CACNA1E: variants seen among roughly 807,000 people sequenced by gnomAD.
CACNA1E encodes voltage-dependent R-type calcium channel subunit alpha-1E.
Under a neutral mutation model 259.2 loss-of-function variants are expected in CACNA1E, and 40 were observed. That is an observed-to-expected ratio of 0.15 (90% CI 0.12 to 0.20). The LOEUF (loss-of-function observed/expected upper bound fraction) is 0.20. CACNA1E is among the 10% of genes least tolerant of loss of function. The pLI, the probability that CACNA1E is intolerant of heterozygous loss-of-function variation, is 1.00. For synonymous variants in CACNA1E, 1,104 were observed against 1,138.5 expected (o/e 0.97, Z 0.61); for missense variants, 1,874 against 3,040.1 (o/e 0.62, Z 9.02).
chr1:181,424,620 T>TGC (rs1659020770), intron 2 of CACNA1E, among the ~76,000 whole-genome samples: 1 of 152,232 alleles, frequency 6.6e-6, no homozygotes, highest in African/African-American at 2.4e-5. Context: ...AGAGAACGAA[T>TGC]GCATAACCTC....
intron 1 of CACNA1E, among the ~76,000 whole-genome samples, chr1:181,405,148 C>A (rs540400329): frequency 6.6e-6 from 1 of 152,222 alleles, no homozygotes; most frequent in Non-Finnish European, 1.5e-5. Context: ...GCAGTACCAA[C>A]GTACTCCCTT....
At chr1:181,388,892 C>A (rs605340) in intron 1 of CACNA1E, among the ~76,000 whole-genome samples, 70,395 of 139,616 alleles carry the variant, frequency 0.5, 16,670 homozygotes, top group African/African-American at 0.64. Context: ...ACTCCATCTC[C>A]AAAAAAAAAA....
intron 38 of CACNA1E, 146 bp from the exon 39 acceptor site, chr1:181,781,281 T>C (rs1660403134): frequency 3.3e-6 from 2 of 611,928 alleles, no homozygotes; most frequent in Non-Finnish European, 5.9e-6. Context: ...TCCTGTTTTC[T>C]GTATTTTGTT....
At chr1:181,747,516 T>C (rs1203094835) in intron 25 of CACNA1E, among the ~76,000 whole-genome samples, 1 of 150,346 alleles carries the variant, frequency 6.7e-6, no homozygotes, top group Non-Finnish European at 1.5e-5. Context: ...AAATAAATGG[T>C]AAAATGTGTG....
At chr1:181,576,496 C>T (rs1650991203) in intron 3 of CACNA1E, among the ~76,000 whole-genome samples, 1 of 152,236 alleles carries the variant, frequency 6.6e-6, no homozygotes, top group African/African-American at 2.4e-5. Context: ...ACTTTCCATA[C>T]AGTTCTTTTT....
At chr1:181,633,772 A>G (rs1656961263) in intron 6 of CACNA1E, among the ~76,000 whole-genome samples, 1 of 152,228 alleles carries the variant, frequency 6.6e-6, no homozygotes, top group Non-Finnish European at 1.5e-5. Context: ...GATTACAGGC[A>G]TGAGTCATTG....
chr1:181,454,094 A>G lies in CACNA1E; in HGVS notation c.435-29650A>G, dbSNP rs1034912287. Among the ~76,000 whole-genome samples the G allele has an allele frequency of 2.6e-5, 4 of 151,954 alleles. No individual in the cohort carries two copies. The East Asian group carries it at 7.7e-4, about 29-fold the overall frequency. ...CGTGCAGGGAAAGAGCTTGGCATAC[A>G]GTAGACACTCATTAGATAGTACCTC... On this transcript the variant is annotated intron_variant, in intron 2 of 11. Transcript: ENST00000524607.
chr1:181,511,305 CT>C, intron 2 of CACNA1E, 65 bp from the exon 3 acceptor site: 1 of 1,585,058 alleles, frequency 6.3e-7, no homozygotes, highest in South Asian at 1.1e-5. Flanking sequence ...CCAGGCTGTG[CT>C]TTTGCCTGTG....
At chr1:181,786,217 AAG>A (rs1660833515) in intron 43 of CACNA1E, among the ~76,000 whole-genome samples, 1 of 152,194 alleles carries the variant, frequency 6.6e-6, no homozygotes, top group African/African-American at 2.4e-5. Context: ...GGCTGAGTGT[AAG>A]AGGGGAATAA....
At chr1:181,641,664 T>C (rs572804994) in intron 6 of CACNA1E, among the ~76,000 whole-genome samples, 2 of 151,292 alleles carry the variant, frequency 1.3e-5, no homozygotes, top group East Asian at 3.9e-4. Context: ...CAACCTCGGG[T>C]AGCTTTCAAA....
chr1:181,544,845 G>A (rs914923459), intron 3 of CACNA1E, among the ~76,000 whole-genome samples: 3 of 152,178 alleles, frequency 2.0e-5, no homozygotes, highest in Admixed American at 6.5e-5. Context: ...GCAATTTAAA[G>A]GGTCACCTTT....
At chr1:181,480,929 T>C (rs192120223), upstream of CACNA1E, among the ~76,000 whole-genome samples, 1 of 152,306 alleles carries the variant, frequency 6.6e-6, no homozygotes, top group Admixed American at 6.5e-5. Flanking sequence ...TTTGAATGAA[T>C]TTTGTGCTAT....
intron 25 of CACNA1E, among the ~76,000 whole-genome samples, chr1:181,746,480 G>A (rs149887367): frequency 1.1e-3 from 170 of 152,294 alleles, no homozygotes; most frequent in Non-Finnish European, 3.8e-4. Flanking sequence ...ATTATGTTAA[G>A]CGCCCTTCTA....
At chr1:181,422,263 C>T (rs1658803640) in intron 2 of CACNA1E, among the ~76,000 whole-genome samples, 1 of 152,228 alleles carries the variant, frequency 6.6e-6, no homozygotes, top group Non-Finnish European at 1.5e-5. Context: ...ATTTGACTGC[C>T]TCGTTCACTC....
chr1:181,671,726 C>T (rs1342406904), intron 7 of CACNA1E, among the ~76,000 whole-genome samples: 5 of 152,134 alleles, frequency 3.3e-5, no homozygotes, highest in African/African-American at 1.2e-4. Context: ...ACCAACTGGG[C>T]TAAACAAACA....
intron 2 of CACNA1E, among the ~76,000 whole-genome samples, chr1:181,466,777 G>A (rs528408603): frequency 6.6e-6 from 1 of 152,028 alleles, no homozygotes; most frequent in Non-Finnish European, 1.5e-5. Flanking sequence ...ATATATTTCT[G>A]TACTTTATCA....
At chr1:181,474,504 C>T (rs1332662778) in intron 2 of CACNA1E, among the ~76,000 whole-genome samples, 1 of 152,170 alleles carries the variant, frequency 6.6e-6, no homozygotes, top group African/African-American at 2.4e-5. Flanking sequence ...GGGAAGATAA[C>T]CTGCATGTTT....
chr1:181,455,284 G>A (rs1003133703), intron 2 of CACNA1E, among the ~76,000 whole-genome samples: 1 of 152,184 alleles, frequency 6.6e-6, no homozygotes. Context: ...GAGTGAAGGG[G>A]AGGAGCAATT....
chr1:181,577,710 A>G, intron 3 of CACNA1E, 56 bp from the exon 4 acceptor site: 1 of 1,223,606 alleles, frequency 8.2e-7, no homozygotes, highest in Non-Finnish European at 1.2e-6. Flanking sequence ...TCCTGCATGG[A>G]ACAAGAGGGG....
Sources: allele counts gnomAD v4.1 joint callset (sites outside exome capture counted in the v4.1 genomes callset), GRCh38; gene constraint gnomAD v4.1.1; transcripts MANE v1.5; gene names NCBI Gene and HGNC (gene_info 2026-07-23, HGNC 2026-07-21).